SMOC2: variants seen among roughly 807,000 people sequenced by gnomAD.
The protein encoded by SMOC2 is SPARC-related modular calcium-binding protein 2.
Under a neutral mutation model 61.4 loss-of-function variants are expected in SMOC2, and 39 were observed. That is an observed-to-expected ratio of 0.64 (90% confidence interval 0.49 to 0.83). SMOC2 has a LOEUF of 0.83. Ranked by LOEUF, SMOC2 falls within the 40% of genes least tolerant of loss-of-function variation. The probability of loss-of-function intolerance (pLI) is 0.00; values close to 1 mark genes in which losing one functional copy is unlikely to be tolerated. For synonymous variants in SMOC2, 247 were observed against 239.9 expected (o/e 1.03, Z -0.27); for missense variants, 556 against 592.9 (o/e 0.94, Z 0.65).
chr6:168,446,405 A>G (rs1337289505), intron 1 of SMOC2, among the ~76,000 whole-genome samples: 1 of 152,166 alleles, frequency 6.6e-6, no homozygotes, highest in Non-Finnish European at 1.5e-5. Context: ...TACACATACA[A>G]CACACAAACT....
At chr6:168,467,270 C>T (rs1288968725) in intron 1 of SMOC2, among the ~76,000 whole-genome samples, 2 of 151,352 alleles carry the variant, frequency 1.3e-5, no homozygotes, top group Non-Finnish European at 2.9e-5. Context: ...AACTCCTGGG[C>T]TCAACACTTG....
intron 1 of SMOC2, among the ~76,000 whole-genome samples, chr6:168,468,944 T>C (rs998725994): frequency 6.6e-6 from 1 of 152,262 alleles, no homozygotes; most frequent in African/African-American, 2.4e-5. Context: ...TCTTTTCGTC[T>C]CAAGAAGAAA....
At chr6:168,558,948 C>T (rs541776377) in intron 7 of SMOC2, among the ~76,000 whole-genome samples, 22 of 151,514 alleles carry the variant, frequency 1.5e-4, no homozygotes, top group South Asian at 1.3e-3. Flanking sequence ...CGTGTGCATG[C>T]GTGTGCATGT....
chr6:168,543,506 A>G, intron 4 of SMOC2, 119 bp from the exon 5 acceptor site: 1 of 835,104 alleles, frequency 1.2e-6, no homozygotes, highest in Non-Finnish European at 1.9e-6. Context: ...TTTAAGTAGA[A>G]CATGCCGAAG....
chr6:168,491,723 G>C (rs1268051404), intron 1 of SMOC2, among the ~76,000 whole-genome samples: 1 of 151,742 alleles, frequency 6.6e-6, no homozygotes, highest in Non-Finnish European at 1.5e-5. Context: ...AGATACAGAA[G>C]AGCCATTGAG....
intron 9 of SMOC2, among the ~76,000 whole-genome samples, chr6:168,634,322 C>A (rs545033964): frequency 1.3e-5 from 2 of 152,144 alleles, no homozygotes; most frequent in African/African-American, 4.8e-5. Context: ...TTGGATGAGA[C>A]CGTGTCTGTA....
At chr6:168,565,476 G>T (rs892681769) in intron 7 of SMOC2, among the ~76,000 whole-genome samples, 2 of 152,116 alleles carry the variant, frequency 1.3e-5, no homozygotes, top group Non-Finnish European at 2.9e-5. Context: ...TTCCTGCATG[G>T]ACATCAATTA....
chr6:168,630,710 A>C (rs1043683491), intron 9 of SMOC2, among the ~76,000 whole-genome samples: 1 of 152,222 alleles, frequency 6.6e-6, no homozygotes, highest in Non-Finnish European at 1.5e-5. Flanking sequence ...ATATCACTGA[A>C]TTCTTTTTCT....
rs116500176 is a variant in SMOC2 at position 168,609,538 on chromosome 6, T to C, written c.907+1299T>C. On this transcript the variant is annotated intron_variant, in intron 9 of 12. Transcript: ENST00000356284. ...CCTTTGACCCCGTGTCTGCAGGCTGTGCTCAGCTGCTGGCTGAATTCCATC... is the reference window on the plus strand; with the variant it reads ...CCTTTGACCCCGTGTCTGCAGGCTGCGCTCAGCTGCTGGCTGAATTCCATC... Among the ~76,000 whole-genome samples the C allele has an allele frequency of 3.5e-3, 536 of 152,308 alleles. 3 individuals are homozygous for C. Among genetic ancestry groups the C allele is most frequent in the African/African-American group, 0.012 (496 of 41,570 alleles).
At chr6:168,441,582 G>T in intron 1 of SMOC2, 128 bp downstream of exon 1, 4 of 1,271,312 alleles carry the variant, frequency 3.1e-6, no homozygotes, top group Non-Finnish European at 4.0e-6. Context: ...CCCGGGGGCC[G>T]TGGAGCCTTC....
chr6:168,518,333 G>A (rs1392079754), intron 2 of SMOC2, among the ~76,000 whole-genome samples: 4 of 151,812 alleles, frequency 2.6e-5, no homozygotes, highest in African/African-American at 9.7e-5. Flanking sequence ...ATGTGTGTAT[G>A]CCTGAGGTGT....
At chr6:168,659,912 G>A (rs1787458930) in intron 11 of SMOC2, among the ~76,000 whole-genome samples, 2 of 151,614 alleles carry the variant, frequency 1.3e-5, no homozygotes, top group African/African-American at 4.8e-5. Flanking sequence ...TAGGTTGGGT[G>A]AGGTTGGAGG....
At chr6:168,458,061 CAATT>C (rs1781628889) in intron 1 of SMOC2, among the ~76,000 whole-genome samples, 2 of 152,290 alleles carry the variant, frequency 1.3e-5, no homozygotes, top group South Asian at 2.1e-4. Flanking sequence ...TACTCCAAAA[CAATT>C]AAGCTCCTAG....
At chr6:168,541,256 AGG>A (rs1447103572) in intron 4 of SMOC2, among the ~76,000 whole-genome samples, 9 of 152,184 alleles carry the variant, frequency 5.9e-5, no homozygotes, top group Admixed American at 2.6e-4. Context: ...TCCAAGGCTG[AGG>A]GGGATCACTT....
At chr6:168,565,907 G>A (rs551985165) in intron 7 of SMOC2, among the ~76,000 whole-genome samples, 22 of 152,302 alleles carry the variant, frequency 1.4e-4, no homozygotes, top group Admixed American at 4.6e-4. Context: ...ACAAGTTTCC[G>A]TTTTGAACTG....
intron 9 of SMOC2, among the ~76,000 whole-genome samples, chr6:168,639,442 A>T (rs536462569): frequency 6.6e-6 from 1 of 152,344 alleles, no homozygotes; most frequent in East Asian, 1.9e-4. Context: ...CTATTTTGAT[A>T]CCTGAGTAGG....
chr6:168,454,570 G>T (rs757607418), intron 1 of SMOC2, among the ~76,000 whole-genome samples: 1 of 152,220 alleles, frequency 6.6e-6, no homozygotes. Context: ...CACCTGGGCA[G>T]TGAGACCAGG....
intron 8 of SMOC2, among the ~76,000 whole-genome samples, chr6:168,603,242 CTTTTTTT>C (rs35236951): frequency 1.0e-5 from 1 of 96,366 alleles, no homozygotes; most frequent in South Asian, 4.4e-4. Context: ...TCAATTAAAC[CTTTTTTT>C]TTTTTTTTTT....
chr6:168,563,864 G>A (rs983599786), intron 7 of SMOC2, among the ~76,000 whole-genome samples: 8 of 152,088 alleles, frequency 5.3e-5, no homozygotes, highest in Non-Finnish European at 7.4e-5. Context: ...CCGGAGGCTC[G>A]GTGTCCGTAG....
Sources: gnomAD v4.1 joint callset for allele counts (sites outside exome capture counted in the v4.1 genomes callset) on GRCh38, gnomAD v4.1.1 for gene constraint, MANE v1.5 for transcripts, NCBI Gene and HGNC (gene_info 2026-07-23, HGNC 2026-07-21) for gene names.